PTPRA: variants seen among roughly 807,000 people sequenced by gnomAD.
The protein encoded by PTPRA is receptor-type tyrosine-protein phosphatase alpha.
In PTPRA, 25 loss-of-function variants were observed where a neutral mutation model predicts 104.8. That is an observed-to-expected ratio of 0.24 (90% CI 0.17 to 0.33). The LOEUF is 0.33. PTPRA is among the 10% of genes least tolerant of loss of function. The pLI, the probability that PTPRA is intolerant of heterozygous loss-of-function variation, is 1.00. For missense variants in PTPRA, 765 were observed against 1,015.3 expected (o/e 0.75, Z 3.35); for synonymous variants, 323 against 368.9 (o/e 0.88, Z 1.43).
chr20:2,917,688 A>G (rs904506880), intron 1 of PTPRA, among the ~76,000 whole-genome samples: 1 of 152,182 alleles, frequency 6.6e-6, no homozygotes, highest in African/African-American at 2.4e-5. Context: ...AGAAAAAGAT[A>G]GAGCTGGGTG....
intron 13 of PTPRA, among the ~76,000 whole-genome samples, chr20:3,019,532 CG>C (rs1426602331): frequency 2.0e-5 from 3 of 151,146 alleles, no homozygotes; most frequent in Non-Finnish European, 4.4e-5. Context: ...CGGGCAGAGA[CG>C]CTCCTCACTT....
At chr20:2,879,673 C>T (rs1332291738) in intron 1 of PTPRA, among the ~76,000 whole-genome samples, 4 of 152,076 alleles carry the variant, frequency 2.6e-5, no homozygotes, top group African/African-American at 9.7e-5. Flanking sequence ...CTGCATATGC[C>T]ACAGTGGTCC....
At chr20:2,990,231 C>G (rs1467203705) in intron 9 of PTPRA, among the ~76,000 whole-genome samples, 1 of 152,178 alleles carries the variant, frequency 6.6e-6, no homozygotes, top group Non-Finnish European at 1.5e-5. Context: ...ATTGCTAAAC[C>G]ATCAGTTTCC....
At chr20:2,891,188 TAATTC>T (rs1471206857) in intron 1 of PTPRA, among the ~76,000 whole-genome samples, 2 of 152,210 alleles carry the variant, frequency 1.3e-5, no homozygotes, top group Non-Finnish European at 2.9e-5. Flanking sequence ...TCCTATCCCT[TAATTC>T]AGGCTGCTTC....
At chr20:2,913,911 A>T (rs1167282511) in intron 1 of PTPRA, among the ~76,000 whole-genome samples, 1 of 152,172 alleles carries the variant, frequency 6.6e-6, no homozygotes, top group Non-Finnish European at 1.5e-5. Context: ...TTGCTGGATT[A>T]TTGGTATGAT....
chr20:2,915,567 T>C (rs552938137), intron 1 of PTPRA, among the ~76,000 whole-genome samples: 73 of 152,294 alleles, frequency 4.8e-4, no homozygotes, highest in African/African-American at 1.7e-3. Flanking sequence ...ATCCCATAGG[T>C]TGTCTTTCAA....
At chr20:2,970,038 A>G (rs1370540275) in intron 5 of PTPRA, among the ~76,000 whole-genome samples, 1 of 152,132 alleles carries the variant, frequency 6.6e-6, no homozygotes, top group Non-Finnish European at 1.5e-5. Flanking sequence ...TCCATTTATA[A>G]TATAAATAAT....
In PTPRA at chr20:2,959,291, A is replaced by G. The variant is rs376715878; in HGVS notation, c.-6-4981A>G. On this transcript the variant is annotated intron_variant, in intron 3 of 23. Coordinates refer to ENST00000399903, the MANE Select transcript of PTPRA (RefSeq NM_001385305.1). ...GGAAAGGAATTTTTATTGTAGGCTA[A>G]TTGTTACTCCCACCAGTATTTAACC... Among the ~76,000 whole-genome samples, 10 of 152,254 alleles carry G rather than the reference A, an allele frequency of 6.6e-5. No homozygotes were observed. In the East Asian group the frequency reaches 1.2e-3, roughly 18 times the overall value.
intron 1 of PTPRA, among the ~76,000 whole-genome samples, chr20:2,913,070 T>C (rs953554397): frequency 6.6e-6 from 1 of 152,100 alleles, no homozygotes; most frequent in Admixed American, 6.5e-5. Context: ...CCAAATACTT[T>C]AATGAGCATT....
intron 20 of PTPRA, among the ~76,000 whole-genome samples, chr20:3,033,376 T>C (rs956283274): frequency 1.3e-5 from 2 of 152,066 alleles, no homozygotes; most frequent in Admixed American, 1.3e-4. Flanking sequence ...CACTGAGTCC[T>C]GATACAGGCA....
Position 3,038,233 on chromosome 20 carries a change from T to C in PTPRA, c.*100T>C. On this transcript the variant is annotated 3_prime_UTR_variant, in exon 24 of 24. Coordinates refer to ENST00000399903, the MANE Select transcript of PTPRA (RefSeq NM_001385305.1). ...AAATTGTGTATATATCTTATAACTG[T>C]TTTAGAAATTGGTACATAGGCTTCT... The C allele has an allele frequency of 8.4e-7, 1 of 1,188,554 alleles. No homozygotes were observed. The highest frequency in any genetic ancestry group is 2.5e-5 in the East Asian group (1 of 40,798). The allele number at this position is 1,188,554 out of a possible 1,614,324, so 73.6% of individuals were successfully genotyped here.
At chr20:2,928,520 C>G (rs1360317093) in intron 2 of PTPRA, among the ~76,000 whole-genome samples, 2 of 152,204 alleles carry the variant, frequency 1.3e-5, no homozygotes, top group South Asian at 2.1e-4. Context: ...TCCATTTCTT[C>G]TGACATCCCT....
chr20:3,017,878 A>G lies in PTPRA; in HGVS notation c.1006A>G (p.Ile336Val), dbSNP rs772455701. The G allele has an allele frequency of 1.9e-6, 3 of 1,614,220 alleles. No homozygotes were observed. In the Admixed American group the frequency reaches 5.0e-5, roughly 27 times the overall value. ...RMIWEQNTAT[I>V]VMVTNLKERK... Reference sequence around the variant, plus strand: ...GATCTGGGAACAAAACACAGCCACCATCGTCATGGTTACCAACCTGAAGGA... The same window carrying G: ...GATCTGGGAACAAAACACAGCCACCGTCGTCATGGTTACCAACCTGAAGGA... The change falls in exon 13 of 24, where the codon ATC becomes GTC. Residue 336 changes from isoleucine to valine, a missense_variant. Physicochemically the swap from Ile to Val is conservative, Grantham distance 29. Around this residue, in one of 4 missense-constraint regions of PTPRA, gnomAD observed 245 missense variants for 398.7 expected, o/e 0.61. Coordinates refer to ENST00000399903, the MANE Select transcript of PTPRA (RefSeq NM_001385305.1).
chr20:2,930,046 A>G (rs143266755), intron 2 of PTPRA, among the ~76,000 whole-genome samples: 2 of 152,174 alleles, frequency 1.3e-5, no homozygotes, highest in South Asian at 2.1e-4. Flanking sequence ...TGACACTTTC[A>G]TCTTGGACTT....
intron 22 of PTPRA, among the ~76,000 whole-genome samples, chr20:3,036,597 C>T (rs1399326490): frequency 6.6e-6 from 1 of 152,242 alleles, no homozygotes; most frequent in African/African-American, 2.4e-5. Flanking sequence ...TTCCTTACCA[C>T]ACATCTTCTT....
chr20:2,864,788 G>C, the PTPRA span: 1 of 1,166,546 alleles, frequency 8.6e-7, no homozygotes, highest in Non-Finnish European at 1.2e-6. The surrounding 1 kb of genome is among the most constrained non-coding windows in gnomAD (Gnocchi z 5.2). Flanking sequence ...AGACTCTGAC[G>C]TGAGGCCAGG....
At chr20:2,958,714 G>A (rs2061631893) in intron 3 of PTPRA, among the ~76,000 whole-genome samples, 1 of 149,884 alleles carries the variant, frequency 6.7e-6, no homozygotes, top group Non-Finnish European at 1.5e-5. Flanking sequence ...AGGCATGGTG[G>A]CACGCGCCTG....
intron 5 of PTPRA, among the ~76,000 whole-genome samples, chr20:2,967,531 A>AT (rs1222226333): frequency 6.6e-6 from 1 of 151,972 alleles, no homozygotes; most frequent in Admixed American, 6.6e-5. Context: ...TTTTTTCTGG[A>AT]TTTAATACTT....
intron 2 of PTPRA, among the ~76,000 whole-genome samples, chr20:2,941,247 T>G (rs1600145738): frequency 6.6e-6 from 1 of 152,138 alleles, no homozygotes; most frequent in African/African-American, 2.4e-5. Flanking sequence ...GCCAGGCTGG[T>G]CTTGAACTCC....
Sources: gnomAD v4.1 joint callset for allele counts (sites outside exome capture counted in the v4.1 genomes callset) on GRCh38, gnomAD v4.1.1 for gene constraint, gnomAD v4.1.1 regional missense constraint, Gnocchi (gnomAD v3.1) non-coding constraint, MANE v1.5 for transcripts, NCBI Gene and HGNC (gene_info 2026-07-23, HGNC 2026-07-21) for gene names.